Variants in PDE4D observed in about 807,000 individuals in gnomAD.
PDE4D encodes the protein phosphodiesterase 4D, also known as 3',5'-cyclic-AMP phosphodiesterase 4D.
PDE4D carries 24 observed loss-of-function variants against 87.4 expected under a neutral mutation model. The observed-to-expected ratio is 0.27, with a 90% CI of 0.20 to 0.39. The LOEUF (loss-of-function observed/expected upper bound fraction) is 0.39. Ranked by LOEUF, PDE4D falls within the 10% of genes least tolerant of loss-of-function variation. PDE4D has a pLI of 1.00. For missense variants in PDE4D, 714 were observed against 1,041.0 expected, an observed-to-expected ratio of 0.69 and a Z score of 4.32; for synonymous variants, 384 against 383.2, an observed-to-expected ratio of 1.00 and a Z score of -0.02.
chr5:59,309,081 G>A (rs1381063702), intron 1 of PDE4D, among the ~76,000 whole-genome samples: 1 of 152,034 alleles, frequency 6.6e-6, no homozygotes, highest in Non-Finnish European at 1.5e-5. Context: ...AAACCAAATG[G>A]CTAGTCTCAC....
chr5:59,294,180 G>A (rs1362153104), intron 1 of PDE4D, among the ~76,000 whole-genome samples: 1 of 152,102 alleles, frequency 6.6e-6, no homozygotes, highest in Non-Finnish European at 1.5e-5. Context: ...CTTAGAAACT[G>A]TTTTGTGTGT....
intron 1 of PDE4D, among the ~76,000 whole-genome samples, chr5:60,377,207 T>C (rs1472020616): frequency 1.3e-5 from 2 of 152,184 alleles, no homozygotes; most frequent in Non-Finnish European, 2.9e-5. Flanking sequence ...CCCATTAGAT[T>C]TCACTATTTT....
At chr5:59,452,606 C>T (rs1799330771) in intron 1 of PDE4D, among the ~76,000 whole-genome samples, 1 of 152,174 alleles carries the variant, frequency 6.6e-6, no homozygotes, top group South Asian at 2.1e-4. Flanking sequence ...ACTCTGGCTT[C>T]TCTCTTTCTG....
intron 1 of PDE4D, among the ~76,000 whole-genome samples, chr5:59,553,243 A>G (rs1182096342): frequency 6.6e-6 from 1 of 152,090 alleles, no homozygotes; most frequent in African/African-American, 2.4e-5. Flanking sequence ...CTCCCATAGA[A>G]CTGTTTCACC....
At chr5:59,081,136 C>T (rs1231708686) in intron 5 of PDE4D, among the ~76,000 whole-genome samples, 1 of 152,114 alleles carries the variant, frequency 6.6e-6, no homozygotes, top group East Asian at 1.9e-4. Context: ...TGAATTTACA[C>T]TTTTAACTGA....
At chr5:59,451,630 T>G (rs1425420845) in intron 1 of PDE4D, among the ~76,000 whole-genome samples, 1 of 152,186 alleles carries the variant, frequency 6.6e-6, no homozygotes, top group Non-Finnish European at 1.5e-5. Context: ...TCACAGAGTC[T>G]CTCAATTACC....
chr5:60,061,716 A>T lies in PDE4D; in HGVS notation c.43-72999T>A, dbSNP rs535637104. 3.8e-3 allele frequency among the ~76,000 whole-genome samples: 571 copies of T among 152,208 alleles called. 2 individuals are homozygous for T. The highest frequency in any genetic ancestry group is 6.8e-3 in the Middle Eastern group (2 of 294). On this transcript the variant is annotated intron_variant, in intron 2 of 16. Transcript: ENST00000502484. Reference sequence around the variant, plus strand: ...GGCTACAGTAACCAAAACATGGTACAGGTATCAAAACAGACACATATACCA... The same window carrying T: ...GGCTACAGTAACCAAAACATGGTACTGGTATCAAAACAGACACATATACCA...
intron 5 of PDE4D, among the ~76,000 whole-genome samples, chr5:59,051,894 T>C (rs1203301061): frequency 6.6e-6 from 1 of 152,222 alleles, no homozygotes; most frequent in East Asian, 1.9e-4. Flanking sequence ...CTCCTGACTT[T>C]GTATGCTATC....
intron 3 of PDE4D, among the ~76,000 whole-genome samples, chr5:59,968,998 C>A (rs1037771956): frequency 8.9e-5 from 12 of 134,118 alleles, no homozygotes; most frequent in Admixed American, 7.1e-4. Context: ...GGCACCCCCC[C>A]CCCGAAAAAA....
At chr5:60,482,499 G>A (rs938104881) in intron 1 of PDE4D, among the ~76,000 whole-genome samples, 2 of 152,160 alleles carry the variant, frequency 1.3e-5, no homozygotes, top group African/African-American at 4.8e-5. Flanking sequence ...AATAGAAGGT[G>A]AGCAGACTTC....
chr5:59,892,197 G>T (rs576509631), intron 1 of PDE4D, among the ~76,000 whole-genome samples: 1 of 152,294 alleles, frequency 6.6e-6, no homozygotes, highest in African/African-American at 2.4e-5. Context: ...CCTGAGTTAA[G>T]AATCTGGAGC....
Position 59,061,894 on chromosome 5 carries a change from G to A in PDE4D, c.809-22923C>T, listed in dbSNP as rs1763179451. ...AGTATAAAACGGCTATAAGTACCAT[G>A]TTGAGTAGAGACCTACCACCGAAGT... On this transcript the variant is annotated intron_variant, in intron 5 of 14. Coordinates refer to ENST00000340635, the MANE Select transcript of PDE4D (RefSeq NM_001104631.2). Among the ~76,000 whole-genome samples the A allele has an allele frequency of 7.9e-5, 12 of 152,184 alleles. No individual in the cohort carries two copies. In the South Asian group the frequency reaches 2.3e-3, roughly 29 times the overall value.
At chr5:60,475,142 C>T (rs940746433) in intron 1 of PDE4D, among the ~76,000 whole-genome samples, 1 of 152,072 alleles carries the variant, frequency 6.6e-6, no homozygotes, top group Admixed American at 6.6e-5. Flanking sequence ...GTCTTCTCCC[C>T]CCTAATGTTA....
At chr5:59,845,836 T>C (rs1743758029) in intron 1 of PDE4D, among the ~76,000 whole-genome samples, 1 of 152,080 alleles carries the variant, frequency 6.6e-6, no homozygotes, top group Non-Finnish European at 1.5e-5. Context: ...TTCTCATTTA[T>C]GGATTACTTC....
intron 1 of PDE4D, among the ~76,000 whole-genome samples, chr5:59,253,538 T>C (rs182124285): frequency 2.6e-5 from 4 of 152,244 alleles, no homozygotes; most frequent in Admixed American, 2.0e-4. Flanking sequence ...ATATAGATGA[T>C]GATTGAAGAA....
chr5:60,179,571 AT>A (rs1421496256), intron 2 of PDE4D, among the ~76,000 whole-genome samples: 2 of 152,126 alleles, frequency 1.3e-5, no homozygotes, highest in African/African-American at 4.8e-5. Flanking sequence ...TATTGGAAGC[AT>A]TTGATAATAA....
At chr5:60,357,553 C>T (rs180965168) in intron 1 of PDE4D, among the ~76,000 whole-genome samples, 1 of 152,142 alleles carries the variant, frequency 6.6e-6, no homozygotes, top group Non-Finnish European at 1.5e-5. Flanking sequence ...ATTTTTTATG[C>T]CAGACCAACT....
chr5:59,327,436 G>A (rs1199099965), intron 1 of PDE4D, among the ~76,000 whole-genome samples: 1 of 152,062 alleles, frequency 6.6e-6, no homozygotes, highest in East Asian at 1.9e-4. Context: ...ACAGGATGAT[G>A]AACAAGTGCA....
chr5:60,262,735 T>G (rs1279576380), intron 1 of PDE4D, among the ~76,000 whole-genome samples: 5 of 152,222 alleles, frequency 3.3e-5, no homozygotes, highest in Non-Finnish European at 7.3e-5. Context: ...TGTACATTTA[T>G]TTTTCAACAC....
Sources: allele counts gnomAD v4.1 joint callset (sites outside exome capture counted in the v4.1 genomes callset), GRCh38; gene constraint gnomAD v4.1.1; transcripts MANE v1.5; gene names NCBI Gene and HGNC (gene_info 2026-07-23, HGNC 2026-07-21).